Variants in YEATS2 observed in about 807,000 individuals in gnomAD.
The protein encoded by YEATS2 is YEATS domain containing 2.
Under a neutral mutation model 163.2 loss-of-function variants are expected in YEATS2, and 77 were observed. The observed-to-expected ratio is 0.47, with a 90% CI of 0.39 to 0.57. The LOEUF is 0.57. YEATS2 is among the 20% of genes least tolerant of loss of function. The probability of loss-of-function intolerance (pLI) is 0.00; values close to 1 mark genes in which losing one functional copy is unlikely to be tolerated. For synonymous variants in YEATS2, 631 were observed against 645.1 expected (o/e 0.98, Z 0.33); for missense variants, 1,549 against 1,729.8 (o/e 0.90, Z 1.85).
intron 9 of YEATS2, among the ~76,000 whole-genome samples, chr3:183,751,300 T>G (rs1204169864): frequency 1.3e-5 from 2 of 152,222 alleles, no homozygotes; most frequent in Non-Finnish European, 2.9e-5. Context: ...ATGTCTGTCT[T>G]TATGCCAGCA....
At chr3:183,743,717 T>C (rs1293610986) in intron 8 of YEATS2, among the ~76,000 whole-genome samples, 5 of 152,178 alleles carry the variant, frequency 3.3e-5, no homozygotes, top group Non-Finnish European at 7.3e-5. Context: ...TATTATAGTT[T>C]TGTGTACATT....
intron 19 of YEATS2, among the ~76,000 whole-genome samples, chr3:183,781,191 C>T (rs867227892): frequency 6.6e-6 from 1 of 152,126 alleles, no homozygotes; most frequent in Non-Finnish European, 1.5e-5. Flanking sequence ...CCACGACATG[C>T]TGTTAGCAGG....
intron 14 of YEATS2, 60 bp from the exon 15 acceptor site, chr3:183,762,037 C>T: frequency 6.2e-7 from 1 of 1,605,374 alleles, no homozygotes; most frequent in South Asian, 1.1e-5. Flanking sequence ...CAGATATTAG[C>T]AGCTTTATAA....
intron 1 of YEATS2, among the ~76,000 whole-genome samples, chr3:183,700,598 CTTTTTTTTTT>C (rs748017835): frequency 7.9e-6 from 1 of 126,620 alleles, no homozygotes; most frequent in Non-Finnish European, 1.6e-5. Flanking sequence ...TCTTTTCTTT[CTTTTTTTTTT>C]TTTTTTTTGA....
chr3:183,795,509 G>C (rs1023327353), intron 21 of YEATS2, among the ~76,000 whole-genome samples: 1 of 136,508 alleles, frequency 7.3e-6, no homozygotes, highest in Non-Finnish European at 1.6e-5. Context: ...CTTTGTTGCC[G>C]AGGCTGGTCT....
intron 6 of YEATS2, among the ~76,000 whole-genome samples, chr3:183,724,832 C>G (rs539543070): frequency 2.1e-4 from 32 of 152,262 alleles, no homozygotes; most frequent in African/African-American, 5.1e-4. Flanking sequence ...AACCTCCCCC[C>G]GCCCGGGTTC....
intron 5 of YEATS2, among the ~76,000 whole-genome samples, chr3:183,723,731 G>T (rs1321190412): frequency 7.2e-5 from 11 of 152,164 alleles, no homozygotes; most frequent in Admixed American, 7.2e-4. Context: ...GACTAACATG[G>T]TGAAACTCCA....
At chr3:183,703,240 A>AAGT (rs142758296) in intron 1 of YEATS2, among the ~76,000 whole-genome samples, 2,761 of 152,294 alleles carry the variant, frequency 0.018, 86 homozygotes, top group East Asian at 0.15. Context: ...ATTTTTACTT[A>AAGT]AAAGATCTGT....
At chr3:183,735,349 C>G (rs1469155139) in intron 7 of YEATS2, among the ~76,000 whole-genome samples, 1 of 152,218 alleles carries the variant, frequency 6.6e-6, no homozygotes, top group Non-Finnish European at 1.5e-5. Flanking sequence ...GGTCCCGTTT[C>G]AGACTAAGTC....
chr3:183,800,114 G>C (rs1725531007), intron 23 of YEATS2, among the ~76,000 whole-genome samples: 1 of 152,106 alleles, frequency 6.6e-6, no homozygotes, highest in African/African-American at 2.4e-5. Flanking sequence ...TTACAGGCGT[G>C]AGCCACCGCG....
At chr3:183,712,904 G>A (rs1715423290) in intron 1 of YEATS2, among the ~76,000 whole-genome samples, 1 of 151,962 alleles carries the variant, frequency 6.6e-6, no homozygotes, top group African/African-American at 2.4e-5. Flanking sequence ...GGGATTACAG[G>A]AGCCCGCCAC....
chr3:183,724,401 G>T lies in YEATS2; in HGVS notation c.538-18G>T. On this transcript the variant is annotated intron_variant, in intron 5 of 30. Coordinates refer to ENST00000305135, the MANE Select transcript of YEATS2 (RefSeq NM_018023.5). ...GTTGTTCAAAATGAGAATGGATGTT[G>T]ATTATGATTTTTTTCAGGATACTTC... is the stretch of plus-strand genomic sequence containing the variant. 1.9e-6 allele frequency: 3 copies of T among 1,575,100 alleles called. No homozygotes were observed. The highest frequency in any genetic ancestry group is 4.5e-5 in the East Asian group (2 of 44,370).
intron 19 of YEATS2, among the ~76,000 whole-genome samples, chr3:183,779,321 T>C (rs1049685136): frequency 6.6e-6 from 1 of 152,216 alleles, no homozygotes; most frequent in Non-Finnish European, 1.5e-5. Flanking sequence ...GTGTCCTCTT[T>C]TGTTCTTTTT....
At chr3:183,762,896 A>G (rs1721518887) in intron 15 of YEATS2, among the ~76,000 whole-genome samples, 1 of 151,982 alleles carries the variant, frequency 6.6e-6, no homozygotes, top group East Asian at 1.9e-4. Context: ...TACTAAAAAT[A>G]CAATATTAGC....
rs1717378855 is a variant in YEATS2, at chr3:183,728,623, A to G, written c.651-67A>G. ...AACCTTGTTTTTAAGTTTAAGTAGG[A>G]CTTAATTATTTAGTTAGGTTTTTGA... On this transcript the variant is annotated intron_variant, in intron 6 of 30. Transcript: ENST00000305135. 8 of 1,395,904 alleles carry G rather than the reference A, an allele frequency of 5.7e-6. No individual in the cohort carries two copies. The South Asian group carries it at 1.0e-4, about 18-fold the overall frequency. 86.5% of individuals were successfully genotyped at this position (1,395,904 alleles called of 1,614,324 possible).
chr3:183,729,029 T>G (rs771699274), intron 7 of YEATS2, among the ~76,000 whole-genome samples, 178 bp downstream of exon 7: 4 of 152,158 alleles, frequency 2.6e-5, no homozygotes, highest in African/African-American at 7.2e-5. Context: ...TCCAAGCACT[T>G]TGGGAGGCCA....
chr3:183,752,303 C>G lies in YEATS2; in HGVS notation c.1150+50C>G. On this transcript the variant is annotated intron_variant, in intron 10 of 30. Coordinates refer to ENST00000305135, the MANE Select transcript of YEATS2 (RefSeq NM_018023.5). ...AGCGTTGTTCTGAGGCATTCCTTTCCCATTTGCTGCTTTCAGAGACCTATA... is the reference window on the plus strand; with the variant it reads ...AGCGTTGTTCTGAGGCATTCCTTTCGCATTTGCTGCTTTCAGAGACCTATA... 1.2e-6 allele frequency: 2 copies of G among 1,604,726 alleles called. 1 individual carries two copies. Among genetic ancestry groups the G allele is most frequent in the Middle Eastern group, 3.4e-4 (2 of 5,926 alleles).
intron 4 of YEATS2, among the ~76,000 whole-genome samples, chr3:183,719,196 CTTG>C (rs1219440678): frequency 7.1e-6 from 1 of 141,184 alleles, no homozygotes; most frequent in Non-Finnish European, 1.5e-5. Context: ...GAGTTTCGCT[CTTG>C]TTGCCCAGGC....
At chr3:183,779,396 T>C (rs1228187930) in intron 19 of YEATS2, among the ~76,000 whole-genome samples, 1 of 152,224 alleles carries the variant, frequency 6.6e-6, no homozygotes, top group Non-Finnish European at 1.5e-5. Context: ...GACAGTTCTT[T>C]TAAATCTTCC....
Sources: allele counts gnomAD v4.1 joint callset (sites outside exome capture counted in the v4.1 genomes callset), GRCh38; gene constraint gnomAD v4.1.1; transcripts MANE v1.5; gene names NCBI Gene and HGNC (gene_info 2026-07-23, HGNC 2026-07-21).